PCDHGA10: variants seen among roughly 807,000 people sequenced by gnomAD.
PCDHGA10 encodes protocadherin gamma subfamily A, 10, also known as protocadherin gamma-A10.
PCDHGA10 carries 42 observed loss-of-function variants against 59.5 expected under a neutral mutation model. The observed-to-expected ratio is 0.71, with a 90% CI of 0.55 to 0.91. PCDHGA10 has a LOEUF of 0.91. Ranked by LOEUF, PCDHGA10 falls within the 40% of genes least tolerant of loss-of-function variation. PCDHGA10 has a pLI of 0.00. For synonymous variants in PCDHGA10, 511 were observed against 517.2 expected (o/e 0.99, Z 0.16); for missense variants, 1,111 against 1,198.2 (o/e 0.93, Z 1.07).
chr5:141,433,307 C>A, intron 1 of PCDHGA10: 1 of 913,756 alleles, frequency 1.1e-6, no homozygotes, highest in Non-Finnish European at 1.6e-6. Flanking sequence ...AATTATCCCA[C>A]CTTTGCCTCC....
At chr5:141,473,779 T>C (rs2099328680) in intron 1 of PCDHGA10, among the ~76,000 whole-genome samples, 1 of 152,204 alleles carries the variant, frequency 6.6e-6, no homozygotes, top group Non-Finnish European at 1.5e-5. Context: ...GGTATTTTAA[T>C]TCAAGAGCAG....
At chr5:141,470,734 G>C (rs970003510) in intron 1 of PCDHGA10, among the ~76,000 whole-genome samples, 1 of 152,128 alleles carries the variant, frequency 6.6e-6, no homozygotes, top group South Asian at 2.1e-4. Context: ...GTCTTGCTCT[G>C]TCGCCCTGGC....
rs151293422 is a variant in PCDHGA10, at chr5:141,487,556, A to G, written c.2437-7251A>G. ...GATGGTGAAGTCACCCAGTGCACCT[A>G]TGGCAGGGGAGCCTGTTCGCCCAAG... On this transcript the variant is annotated intron_variant, in intron 1 of 3. Coordinates refer to ENST00000398610, the MANE Select transcript of PCDHGA10 (RefSeq NM_018913.3). This position sits in a 1 kb window ranked among gnomAD's most constrained non-coding sequence, Gnocchi z 5.0. 2,837 of 1,614,100 alleles carry G rather than the reference A, an allele frequency of 1.8e-3. 31 individuals are homozygous for G. The highest frequency in any genetic ancestry group is 1.2e-3 in the South Asian group (105 of 91,084).
Position 141,485,172 on chromosome 5 carries a change from C to A in PCDHGA10, c.2437-9635C>A. ...CAAGTAGAGAATTAGCGGGCGGCAG[C>A]AATGCTCCGCAAGGTGAGAAGCTGG... On this transcript the variant is annotated intron_variant, in intron 1 of 3. Transcript: ENST00000398610. The surrounding 1 kb of genome is among the most constrained non-coding windows in gnomAD (Gnocchi z 5.7). 6.2e-7 allele frequency: 1 copy of A among 1,610,164 alleles called. No individual in the cohort carries two copies. The highest frequency in any genetic ancestry group is 8.5e-7 in the Non-Finnish European group (1 of 1,176,940).
At chr5:141,417,555 TAGAGA>T (rs926975589) in intron 1 of PCDHGA10, 38 of 335,630 alleles carry the variant, frequency 1.1e-4, no homozygotes, top group Non-Finnish European at 1.5e-4. Context: ...TTGAAAGAGG[TAGAGA>T]AAAGTCAAGT....
intron 1 of PCDHGA10, chr5:141,423,381 G>T (rs2154550114): frequency 6.2e-7 from 1 of 1,614,204 alleles, no homozygotes; most frequent in East Asian, 2.2e-5. Flanking sequence ...TCAGGCTGTG[G>T]CGCTGGCATA....
intron 2 of PCDHGA10, among the ~76,000 whole-genome samples, chr5:141,496,013 T>C (rs2154591828): frequency 6.6e-6 from 1 of 152,134 alleles, no homozygotes; most frequent in East Asian, 1.9e-4. Flanking sequence ...CTTGTCTTTT[T>C]TCTCTGAGCC....
intron 1 of PCDHGA10, chr5:141,421,919 TG>T: frequency 6.2e-7 from 1 of 1,613,642 alleles, no homozygotes; most frequent in Non-Finnish European, 8.5e-7. Flanking sequence ...CCCATTCGTG[TG>T]GTGGTCCTCG....
At chr5:141,478,864 A>G in intron 1 of PCDHGA10, 1 of 1,322,156 alleles carries the variant, frequency 7.6e-7, no homozygotes, top group Non-Finnish European at 1.0e-6. Flanking sequence ...GATCTCAGCG[A>G]TCAGAGTTTA....
intron 1 of PCDHGA10, chr5:141,427,514 G>A (rs1193674497): frequency 1.7e-6 from 1 of 595,712 alleles, no homozygotes; most frequent in Non-Finnish European, 3.2e-6. Context: ...CCCTGGATTG[G>A]GAGCGGATCC....
intron 1 of PCDHGA10, among the ~76,000 whole-genome samples, chr5:141,460,983 GTATA>G (rs59296681): frequency 0.024 from 3,365 of 137,748 alleles, 55 homozygotes; most frequent in African/African-American, 0.035. Flanking sequence ...GTGTGTGTGT[GTATA>G]TATATATATG....
In PCDHGA10 at chr5:141,485,368, G is replaced by T. The variant is rs2154580406; in HGVS notation, c.2437-9439G>T. On this transcript the variant is annotated intron_variant, in intron 1 of 3. Coordinates refer to ENST00000398610, the MANE Select transcript of PCDHGA10 (RefSeq NM_018913.3). This position sits in a 1 kb window ranked among gnomAD's most constrained non-coding sequence, Gnocchi z 5.7. Reference sequence around the variant, plus strand: ...ACAGTCTGTCAGCTCGCAGGCTGCAGGTCGCTGGAGAGGTGAACCAAAGAC... The same window carrying T: ...ACAGTCTGTCAGCTCGCAGGCTGCATGTCGCTGGAGAGGTGAACCAAAGAC... The T allele has an allele frequency of 6.2e-7, 1 of 1,614,144 alleles. No individual in the cohort carries two copies. The highest frequency in any genetic ancestry group is 2.2e-5 in the East Asian group (1 of 44,866).
Position 141,503,010 on chromosome 5 carries a change from AT to A in PCDHGA10, c.2496-2371del, listed in dbSNP as rs199924715. ...AGGCGTGTGCCACCATGCCCGGTTA[AT>A]TTTTTTTTTTTAATATCTATTTTAG... On this transcript the variant is annotated intron_variant, in intron 2 of 3. Coordinates refer to ENST00000398610, the MANE Select transcript of PCDHGA10 (RefSeq NM_018913.3). Among the ~76,000 whole-genome samples the A allele has an allele frequency of 6.8e-3, 997 of 146,562 alleles. 9 individuals are homozygous for A. The highest frequency in any genetic ancestry group is 0.023 in the African/African-American group (916 of 39,838).
At chr5:141,425,159 G>T (rs557552439) in intron 1 of PCDHGA10, among the ~76,000 whole-genome samples, 1 of 152,244 alleles carries the variant, frequency 6.6e-6, no homozygotes, top group Non-Finnish European at 1.5e-5. Context: ...AGCATCTAGG[G>T]ATAGGATTTA....
intron 3 of PCDHGA10, among the ~76,000 whole-genome samples, chr5:141,506,282 C>G (rs1422321122): frequency 6.6e-6 from 1 of 152,040 alleles, no homozygotes; most frequent in East Asian, 1.9e-4. Flanking sequence ...AACCCTGTCT[C>G]TACTAAAAAT....
chr5:141,421,309 C>T (rs781110850), intron 1 of PCDHGA10: 9 of 1,613,516 alleles, frequency 5.6e-6, no homozygotes, highest in Admixed American at 1.7e-5. Context: ...GCGGGGGTTC[C>T]GGGCCAGGCA....
rs1452737362 is a variant in PCDHGA10, at chr5:141,432,324, A to G, written c.2436+16713A>G. On this transcript the variant is annotated intron_variant, in intron 1 of 3. Transcript: ENST00000398610. The surrounding 1 kb of genome is among the most constrained non-coding windows in gnomAD (Gnocchi z 6.0). ...CTGTATGCGCTGAGCTCCTTCGACTACGAGCAGTTCCGAGACTTGCAAGTG... is the reference window on the plus strand; with the variant it reads ...CTGTATGCGCTGAGCTCCTTCGACTGCGAGCAGTTCCGAGACTTGCAAGTG... 3 of 1,614,058 alleles carry G rather than the reference A, an allele frequency of 1.9e-6. No homozygotes were observed. The highest frequency in any genetic ancestry group is 2.7e-5 in the African/African-American group (2 of 74,910).
At chr5:141,500,411 G>A (rs376320602) in intron 2 of PCDHGA10, among the ~76,000 whole-genome samples, 4 of 151,592 alleles carry the variant, frequency 2.6e-5, no homozygotes, top group East Asian at 2.0e-4. Context: ...GGGTTTCACC[G>A]TGTTAGCCAG....
chr5:141,420,075 G>A (rs893749179), intron 1 of PCDHGA10: 17 of 1,613,944 alleles, frequency 1.1e-5, no homozygotes, highest in Admixed American at 6.7e-5. Context: ...GGACCTGTGG[G>A]TCCCCCCAAC....
Sources: gnomAD v4.1 joint callset for allele counts (sites outside exome capture counted in the v4.1 genomes callset) on GRCh38, gnomAD v4.1.1 for gene constraint, Gnocchi (gnomAD v3.1) non-coding constraint, MANE v1.5 for transcripts, NCBI Gene and HGNC (gene_info 2026-07-23, HGNC 2026-07-21) for gene names.